Variants in SMARCA2 observed in about 807,000 individuals in gnomAD.
The protein encoded by SMARCA2 is SWI/SNF related BAF chromatin remodeling complex subunit ATPase 2, also known as SWI/SNF-related matrix-associated actin-dependent regulator of chromatin subfamily A member 2.
A neutral mutation model predicts 199.8 loss-of-function variants in SMARCA2; 61 were observed. The ratio of observed to expected loss-of-function variants is 0.31; its 90% CI spans 0.25 to 0.38. SMARCA2 has a LOEUF of 0.38. SMARCA2 is among the 10% of genes least tolerant of loss of function. SMARCA2 has a pLI of 1.00. For synonymous variants in SMARCA2, 935 were observed against 732.0 expected, an observed-to-expected ratio of 1.28 and a Z score of -4.48; for missense variants, 1,344 against 2,012.2, an observed-to-expected ratio of 0.67 and a Z score of 6.35.
intron 19 of SMARCA2, 120 bp from the exon 20 acceptor site, chr9:2,096,537 C>T (rs1423385077): frequency 5.9e-6 from 4 of 675,126 alleles, no homozygotes; most frequent in Non-Finnish European, 1.1e-5. Flanking sequence ...CTCCGTGAAT[C>T]CAAGAAAGAG....
chr9:2,098,952 A>G (rs1420486034), intron 21 of SMARCA2, among the ~76,000 whole-genome samples: 2 of 148,814 alleles, frequency 1.3e-5, no homozygotes, highest in East Asian at 2.3e-4. Context: ...GGTCTCAAAA[A>G]AAAAAAAAAA....
chr9:2,161,256 G>C lies in SMARCA2; in HGVS notation c.3982-430G>C, dbSNP rs1271013443. 3.3e-5 allele frequency among the ~76,000 whole-genome samples: 5 copies of C among 152,112 alleles called. No individual in the cohort carries two copies. The highest frequency in any genetic ancestry group is 1.2e-4 in the African/African-American group (5 of 41,434). ...AGGTCAAAGCTTATATGATCGTGTG[G>C]ATGTATTCTTAGGGATTGTTTTTTC... On this transcript the variant is annotated intron_variant, in intron 27 of 33. Coordinates refer to ENST00000349721, the MANE Select transcript of SMARCA2 (RefSeq NM_003070.5). This position sits in a 1 kb window ranked among gnomAD's most constrained non-coding sequence, Gnocchi z 4.7.
At chr9:2,135,962 C>T (rs1003878735) in intron 27 of SMARCA2, among the ~76,000 whole-genome samples, 7 of 152,122 alleles carry the variant, frequency 4.6e-5, no homozygotes, top group Non-Finnish European at 8.8e-5. Context: ...CTGCCTCCGT[C>T]TCCCGAGTAG....
At chr9:2,182,018 A>C (rs1258120116) in intron 30 of SMARCA2, 123 bp from the exon 31 acceptor site, 24 of 761,644 alleles carry the variant, frequency 3.2e-5, no homozygotes, top group Non-Finnish European at 4.9e-5. Context: ...ATGCAGTCCC[A>C]GATCCCTGGC....
Position 2,084,092 on chromosome 9 carries a change from C to T in SMARCA2, c.2422C>T (p.Pro808Ser). The T allele has an allele frequency of 6.2e-7, 1 of 1,600,522 alleles. No homozygotes were observed. The highest frequency in any genetic ancestry group is 8.6e-7 in the Non-Finnish European group (1 of 1,167,794). The change falls in exon 17 of 34, where the codon CCT becomes TCT. Residue 808 changes from proline (P) to serine (S), a missense_variant. Physicochemically the swap from Pro to Ser is moderately conservative, Grantham distance 74. Around this residue, in one of 18 missense-constraint regions of SMARCA2, gnomAD observed 50 missense variants for 81.6 expected, o/e 0.61. Transcript: ENST00000349721. The stretch of plus-strand genomic sequence containing the variant: ...TTTTTTTCTTTCCATTCAGGGTACT[C>T]CTGCCATGCGTCGCTCCCTTGTCCC... Reference protein sequence around the residue: ...SVVKISYKGTPAMRRSLVPQL... With the variant: ...SVVKISYKGTSAMRRSLVPQL...
chr9:2,143,578 G>A (rs1382822441), intron 27 of SMARCA2, among the ~76,000 whole-genome samples: 2 of 152,170 alleles, frequency 1.3e-5, no homozygotes, highest in African/African-American at 4.8e-5. Flanking sequence ...GGAGACCAGG[G>A]GGAAAAGATT....
intron 26 of SMARCA2, among the ~76,000 whole-genome samples, chr9:2,120,491 C>A (rs1022611773): frequency 6.6e-6 from 1 of 152,164 alleles, no homozygotes; most frequent in Admixed American, 6.5e-5. Context: ...GCAACTAAAT[C>A]CAACTTTTTA....
intron 25 of SMARCA2, among the ~76,000 whole-genome samples, chr9:2,117,950 T>A (rs1823282506): frequency 6.6e-6 from 1 of 152,240 alleles, no homozygotes; most frequent in African/African-American, 2.4e-5. Flanking sequence ...TAGGCTGGCA[T>A]CACCATGGTT....
intron 27 of SMARCA2, among the ~76,000 whole-genome samples, chr9:2,145,658 T>G (rs924459687): frequency 1.3e-5 from 2 of 152,170 alleles, no homozygotes; most frequent in African/African-American, 4.8e-5. Flanking sequence ...AACAAATACA[T>G]TTGGACTTAG....
intron 27 of SMARCA2, among the ~76,000 whole-genome samples, chr9:2,131,427 C>T (rs577305926): frequency 2.4e-4 from 37 of 152,092 alleles, no homozygotes; most frequent in Admixed American, 6.5e-4. Flanking sequence ...GTAAACGCTA[C>T]GGAAATGATG....
chr9:2,132,135 C>G (rs1168204790), intron 27 of SMARCA2, among the ~76,000 whole-genome samples: 1 of 151,794 alleles, frequency 6.6e-6, no homozygotes, highest in Non-Finnish European at 1.5e-5. Flanking sequence ...GCAGACAAAT[C>G]CATGGTGAAT....
At chr9:2,060,571 A>T (rs868064665) in intron 8 of SMARCA2, among the ~76,000 whole-genome samples, 2 of 152,240 alleles carry the variant, frequency 1.3e-5, no homozygotes, top group African/African-American at 2.4e-5. Context: ...TAATCACACC[A>T]CACGTACAGT....
At position 2,016,550 on chromosome 9, in the gene SMARCA2, G is replaced by C. The variant is rs887674874; in HGVS notation, c.-37+1146G>C. The C allele has an allele frequency of 5.3e-5, 8 of 152,352 alleles. No homozygotes were observed. The highest frequency in any genetic ancestry group is 1.0e-4 in the Non-Finnish European group (7 of 68,192). 9.4% of individuals were successfully genotyped at this position (152,352 alleles called of 1,614,324 possible). A position where few individuals can be genotyped will look rare whatever the true frequency, so the allele number is the denominator to read the frequency against. ...CCAGGAGAGCCACGGCGGCGGCTGC[G>C]GGCCCGGGAGGCCATGATCCGGATA... On this transcript the variant is annotated intron_variant, in intron 1 of 33. Coordinates refer to ENST00000349721, the MANE Select transcript of SMARCA2 (RefSeq NM_003070.5). The surrounding 1 kb of genome is among the most constrained non-coding windows in gnomAD (Gnocchi z 5.6).
intron 25 of SMARCA2, among the ~76,000 whole-genome samples, chr9:2,117,081 A>G (rs1296045182): frequency 6.6e-6 from 1 of 152,198 alleles, no homozygotes; most frequent in Admixed American, 6.5e-5. Flanking sequence ...ATATCAGGAC[A>G]TGGCCCCATC....
intron 25 of SMARCA2, among the ~76,000 whole-genome samples, chr9:2,116,455 C>T (rs557883809): frequency 4.6e-5 from 7 of 152,214 alleles, no homozygotes; most frequent in Non-Finnish European, 8.8e-5. Context: ...TCTCTTTTGC[C>T]TTTTGATCAG....
intron 27 of SMARCA2, among the ~76,000 whole-genome samples, chr9:2,152,218 G>A (rs973509495): frequency 2.0e-5 from 3 of 152,190 alleles, no homozygotes; most frequent in African/African-American, 7.2e-5. Flanking sequence ...ATTTCATGCT[G>A]ATGAGATAGA....
chr9:2,027,195 G>A lies in SMARCA2; in HGVS notation c.-36-1792G>A, dbSNP rs764256660. Reference sequence around the variant, plus strand: ...AGTGGCTCACACCTGTAATCCCAGCGGTTTGGGAGGCTGAGGTGGGACGAT... The same window carrying A: ...AGTGGCTCACACCTGTAATCCCAGCAGTTTGGGAGGCTGAGGTGGGACGAT... On this transcript the variant is annotated intron_variant, in intron 1 of 33. Coordinates refer to ENST00000349721, the MANE Select transcript of SMARCA2 (RefSeq NM_003070.5). Among the ~76,000 whole-genome samples the A allele has an allele frequency of 1.4e-4, 22 of 152,238 alleles. No individual in the cohort carries two copies. In the East Asian group the frequency reaches 2.5e-3, roughly 17 times the overall value.
intron 24 of SMARCA2, among the ~76,000 whole-genome samples, chr9:2,111,322 T>A (rs1233174857): frequency 1.3e-5 from 2 of 151,348 alleles, no homozygotes; most frequent in East Asian, 3.9e-4. Context: ...ACCCTGTCTC[T>A]ACAAAAAAAT....
In SMARCA2 at chr9:2,191,437, G is replaced by C. The variant is rs748191617; in HGVS notation, c.4737+29G>C. 2.2e-5 allele frequency: 35 copies of C among 1,612,086 alleles called. No homozygotes were observed. The Admixed American group carries it at 5.5e-4, about 25-fold the overall frequency. ...AGTGTAGCCGACTGGGACTGAAGGC[G>C]GAGACGCCCTCTCCCCTGCTTGCTG... On this transcript the variant is annotated intron_variant, in intron 33 of 33. Transcript: ENST00000349721.
Sources: gnomAD v4.1 joint callset for allele counts (sites outside exome capture counted in the v4.1 genomes callset) on GRCh38, gnomAD v4.1.1 for gene constraint, gnomAD v4.1.1 regional missense constraint, Gnocchi (gnomAD v3.1) non-coding constraint, MANE v1.5 for transcripts, NCBI Gene and HGNC (gene_info 2026-07-23, HGNC 2026-07-21) for gene names.